The following TANK variants were observed in gnomAD, a reference collection of about 807,000 sequenced individuals.
The protein encoded by TANK is TRAF family member-associated NF-kappa-B activator.
In TANK, 15 loss-of-function variants were observed where a neutral mutation model predicts 43.6. The ratio of observed to expected loss-of-function variants is 0.34; its 90% CI spans 0.23 to 0.53. The LOEUF is 0.53. Ranked by LOEUF, TANK falls within the 20% of genes least tolerant of loss-of-function variation. TANK has a pLI of 0.94. For missense variants in TANK, 417 were observed against 498.6 expected (o/e 0.84, Z 1.56); for synonymous variants, 162 against 178.2 (o/e 0.91, Z 0.73).
At chr2:161,223,763 A>G (rs534829880) in intron 4 of TANK, 152 bp from the exon 5 acceptor site, 2 of 412,786 alleles carry the variant, frequency 4.8e-6, no homozygotes, top group African/African-American at 4.1e-5. Flanking sequence ...AAAAAAATCA[A>G]TTGTATATTA....
intron 6 of TANK, among the ~76,000 whole-genome samples, chr2:161,228,314 C>G (rs1418475327): frequency 6.6e-6 from 1 of 152,142 alleles, no homozygotes. Context: ...GGCAGATCAC[C>G]TGAGGTTGGG....
chr2:161,179,603 T>G lies in TANK; in HGVS notation c.-49-11T>G, dbSNP rs1351155204. On this transcript the variant is annotated splice_polypyrimidine_tract_variant and intron_variant, in intron 1 of 7. Coordinates refer to ENST00000392749, the MANE Select transcript of TANK (RefSeq NM_001199135.3). ...TTAGTAATTATCTAAATTGATCTCA[T>G]TATTTTGCAGACCTGTCATTTACTC... 1 of 1,592,738 alleles carries G rather than the reference T, an allele frequency of 6.3e-7. No individual in the cohort carries two copies. The highest frequency in any genetic ancestry group is 1.4e-5 in the African/African-American group (1 of 73,902).
Position 161,231,049 on chromosome 2 carries a change from A to G in TANK, c.599A>G (p.Asp200Gly). 2 of 1,614,194 alleles carry G rather than the reference A, an allele frequency of 1.2e-6. No individual in the cohort carries two copies. The highest frequency in any genetic ancestry group is 1.3e-5 in the African/African-American group (1 of 75,044). ...GCGCTGTTTAAGCCTCAGGCTAAAGATGATATAAATAGAGGTGCACCATCC... is the reference window on the plus strand; with the variant it reads ...GCGCTGTTTAAGCCTCAGGCTAAAGGTGATATAAATAGAGGTGCACCATCC... ...QEALFKPQAK[D>G]DINRGAPSIT... Residue 200 changes from aspartate to glycine, a missense_variant, in exon 7 of 8, where the codon GAT becomes GGT. Physicochemically the swap from Asp to Gly is moderately conservative, Grantham distance 94. Transcript: ENST00000392749.
chr2:161,168,831 C>T (rs1216072932), intron 1 of TANK, among the ~76,000 whole-genome samples: 2 of 152,052 alleles, frequency 1.3e-5, no homozygotes, highest in Non-Finnish European at 2.9e-5. Flanking sequence ...GAGAATTGTA[C>T]AAGATCAGGA....
intron 1 of TANK, among the ~76,000 whole-genome samples, chr2:161,149,962 C>T (rs553085679): frequency 3.3e-5 from 5 of 152,260 alleles, no homozygotes; most frequent in African/African-American, 1.2e-4. Flanking sequence ...TATCACGTCT[C>T]TGTCTGGCTT....
At chr2:161,191,703 A>G (rs1009298434) in intron 2 of TANK, among the ~76,000 whole-genome samples, 1 of 152,196 alleles carries the variant, frequency 6.6e-6, no homozygotes, top group Non-Finnish European at 1.5e-5. Context: ...TCTGCCAAAA[A>G]TTGTCAATAG....
At chr2:161,202,891 G>A (rs542515378) in intron 2 of TANK, 1 of 466,224 alleles carries the variant, frequency 2.1e-6, no homozygotes, top group South Asian at 1.6e-5. Context: ...AAAATTAATG[G>A]ATTAACAATA....
intron 1 of TANK, among the ~76,000 whole-genome samples, chr2:161,165,848 T>A (rs2105260825): frequency 6.6e-6 from 1 of 152,364 alleles, no homozygotes; most frequent in African/African-American, 2.4e-5. Flanking sequence ...CACAGCCAAC[T>A]GAGCAGTGCC....
intron 4 of TANK, among the ~76,000 whole-genome samples, chr2:161,216,685 T>C (rs1325737398): frequency 6.6e-6 from 1 of 152,006 alleles, no homozygotes; most frequent in Non-Finnish European, 1.5e-5. Context: ...TCTCCTGCCC[T>C]AAGATTTTTT....
intron 1 of TANK, among the ~76,000 whole-genome samples, chr2:161,178,658 A>G (rs1000758221): frequency 6.6e-6 from 1 of 152,192 alleles, no homozygotes; most frequent in Admixed American, 6.5e-5. Flanking sequence ...ATTTTATACT[A>G]TATGAATTGT....
chr2:161,150,596 TTTTTTTTTTTTTTC>T, intron 1 of TANK, among the ~76,000 whole-genome samples: 1 of 143,946 alleles, frequency 6.9e-6, no homozygotes, highest in African/African-American at 2.7e-5. Context: ...CTTCTTTTTT[TTTTTTTTTTTTTTC>T]TTTTGAGATG....
intron 5 of TANK, among the ~76,000 whole-genome samples, 197 bp downstream of exon 5, chr2:161,224,188 C>T (rs1045123368): frequency 6.6e-6 from 1 of 151,952 alleles, no homozygotes; most frequent in Non-Finnish European, 1.5e-5. Context: ...GAATCTAAAA[C>T]TTGAATTCTG....
chr2:161,153,802 C>A (rs1684147054), intron 1 of TANK, among the ~76,000 whole-genome samples: 1 of 151,586 alleles, frequency 6.6e-6, no homozygotes, highest in Admixed American at 6.6e-5. Flanking sequence ...AGATCTTGTT[C>A]ATACATTATT....
intron 4 of TANK, among the ~76,000 whole-genome samples, chr2:161,206,086 T>G (rs972193460): frequency 2.0e-5 from 3 of 151,794 alleles, no homozygotes; most frequent in African/African-American, 7.3e-5. Flanking sequence ...GAAAAGAGAC[T>G]GTGATATCTG....
intron 7 of TANK, among the ~76,000 whole-genome samples, chr2:161,234,814 A>T (rs1005089361): frequency 5.9e-5 from 9 of 152,190 alleles, no homozygotes; most frequent in Non-Finnish European, 1.3e-4. Context: ...TAAAAGGAAA[A>T]TTTTCTTTTT....
chr2:161,163,693 A>G (rs373277941), intron 1 of TANK, among the ~76,000 whole-genome samples: 37 of 152,216 alleles, frequency 2.4e-4, no homozygotes, highest in African/African-American at 7.2e-4. Context: ...ACTGTAGCCA[A>G]ATCCTACAGA....
At chr2:161,180,522 A>C (rs1685369930) in intron 2 of TANK, among the ~76,000 whole-genome samples, 1 of 152,130 alleles carries the variant, frequency 6.6e-6, no homozygotes, top group Non-Finnish European at 1.5e-5. Flanking sequence ...TTCTATTCTG[A>C]TGTTATGTTC....
At position 161,203,598 on chromosome 2, in the gene TANK, A is replaced by G. The variant is rs368477403; in HGVS notation, c.208+3A>G. The G allele has an allele frequency of 8.3e-6, 13 of 1,574,906 alleles. No homozygotes were observed. Among genetic ancestry groups the G allele is most frequent in the Non-Finnish European group, 1.1e-5 (13 of 1,153,286 alleles). On this transcript the variant is annotated splice_donor_region_variant and intron_variant, in intron 3 of 7. Coordinates refer to ENST00000392749, the MANE Select transcript of TANK (RefSeq NM_001199135.3). ...ACTTCTTGTGAATTCCACTCAAGGT[A>G]TGTTCATGTTAATTTTTTATGTATT...
upstream of TANK, chr2:161,160,310 G>C: frequency 1.5e-6 from 1 of 671,756 alleles, no homozygotes; most frequent in Admixed American, 4.4e-5. Context: ...AGAGCCCTGG[G>C]CTGGGTGGGG....
Sources: gnomAD v4.1 joint callset for allele counts (sites outside exome capture counted in the v4.1 genomes callset) on GRCh38, gnomAD v4.1.1 for gene constraint, MANE v1.5 for transcripts, NCBI Gene and HGNC (gene_info 2026-07-23, HGNC 2026-07-21) for gene names.